The following NTM variants were observed in gnomAD, a reference collection of about 807,000 sequenced individuals.
The protein encoded by NTM is IgLON family member 2.
NTM carries 13 observed loss-of-function variants against 42.1 expected under a neutral mutation model. The ratio of observed to expected loss-of-function variants is 0.31; its 90% CI spans 0.20 to 0.49. The LOEUF (loss-of-function observed/expected upper bound fraction) is 0.49. NTM is among the 20% of genes least tolerant of loss of function. The pLI is 0.99. For missense variants in NTM, 373 were observed against 452.8 expected (o/e 0.82, Z 1.60); for synonymous variants, 187 against 179.2 (o/e 1.04, Z -0.35).
At chr11:131,447,454 C>T (rs1461221366) in intron 1 of NTM, among the ~76,000 whole-genome samples, 1 of 152,124 alleles carries the variant, frequency 6.6e-6, no homozygotes, top group Non-Finnish European at 1.5e-5. Flanking sequence ...TAGAGCGCTC[C>T]CTGTGGCCGT....
chr11:131,960,911 A>G (rs943310560), intron 2 of NTM, among the ~76,000 whole-genome samples: 1 of 152,158 alleles, frequency 6.6e-6, no homozygotes, highest in Admixed American at 6.5e-5. Flanking sequence ...GCTTTTTGAA[A>G]TTCACAGAGA....
rs1002410900 is a variant in NTM, at chr11:131,461,104, C to A, written c.82+90216C>A. Among the ~76,000 whole-genome samples the A allele has an allele frequency of 2.0e-5, 3 of 152,310 alleles. No individual in the cohort carries two copies. The East Asian group carries it at 5.8e-4, about 29-fold the overall frequency. On this transcript the variant is annotated intron_variant, in intron 1 of 8. Transcript: ENST00000683400. ...AGGGAAATTGTGAAGATGAGGGTAT[C>A]GGTTGCAAAAGCTACCTTGCTCTAC...
At chr11:131,666,990 G>T (rs1380493025) in intron 1 of NTM, among the ~76,000 whole-genome samples, 1 of 152,140 alleles carries the variant, frequency 6.6e-6, no homozygotes, top group Non-Finnish European at 1.5e-5. Context: ...AACTGACTTG[G>T]AGGCCTAGGG....
Position 131,712,516 on chromosome 11 carries a change from A to C in NTM, c.83-199048A>C, listed in dbSNP as rs535690078. On this transcript the variant is annotated intron_variant, in intron 1 of 8. Transcript: ENST00000683400. ...TGAGCAGTTACCCATAACTAGTGGG[A>C]TAATAGATGGCTTAGGTTTTCTTCC... is the stretch of plus-strand genomic sequence containing the variant. Among the ~76,000 whole-genome samples the C allele has an allele frequency of 2.6e-5, 4 of 152,340 alleles. No homozygotes were observed. In the East Asian group the frequency reaches 7.7e-4, roughly 29 times the overall value.
At chr11:132,024,907 G>A (rs2074951564) in intron 2 of NTM, among the ~76,000 whole-genome samples, 1 of 152,212 alleles carries the variant, frequency 6.6e-6, no homozygotes. Flanking sequence ...GGATGGACTA[G>A]ACTATGCTGT....
At chr11:132,089,823 G>T (rs981549494) in intron 2 of NTM, among the ~76,000 whole-genome samples, 3 of 152,042 alleles carry the variant, frequency 2.0e-5, no homozygotes, top group Non-Finnish European at 4.4e-5. Context: ...TTTTCAAAAT[G>T]TCTTATTGTT....
intron 1 of NTM, among the ~76,000 whole-genome samples, chr11:131,546,107 T>C (rs2053907449): frequency 6.6e-6 from 1 of 152,206 alleles, no homozygotes; most frequent in Non-Finnish European, 1.5e-5. Context: ...TCATGCACCA[T>C]GTTCCAGTGT....
At chr11:131,685,119 A>C (rs1164470221) in intron 1 of NTM, among the ~76,000 whole-genome samples, 1 of 152,202 alleles carries the variant, frequency 6.6e-6, no homozygotes, top group East Asian at 1.9e-4. Flanking sequence ...GTCATGTGTA[A>C]TTGTTACAAA....
At chr11:132,085,579 A>G (rs1290989103) in intron 2 of NTM, among the ~76,000 whole-genome samples, 1 of 152,228 alleles carries the variant, frequency 6.6e-6, no homozygotes, top group Non-Finnish European at 1.5e-5. Context: ...TTATTTCTCA[A>G]AGATTAAAGT....
chr11:131,809,841 G>T (rs2092666549), intron 1 of NTM, among the ~76,000 whole-genome samples: 1 of 152,132 alleles, frequency 6.6e-6, no homozygotes, highest in Non-Finnish European at 1.5e-5. Flanking sequence ...TGAGCTATTG[G>T]GCTCTGCCAG....
intron 2 of NTM, among the ~76,000 whole-genome samples, chr11:132,081,438 A>T (rs1182084691): frequency 6.6e-6 from 1 of 152,174 alleles, no homozygotes; most frequent in Non-Finnish European, 1.5e-5. Flanking sequence ...CATCTTCAAA[A>T]GCCAGAGTGG....
At chr11:131,453,976 C>T (rs1248655546) in intron 1 of NTM, among the ~76,000 whole-genome samples, 1 of 152,228 alleles carries the variant, frequency 6.6e-6, no homozygotes, top group Non-Finnish European at 1.5e-5. Context: ...TCATTTCCAT[C>T]TGGGACCTTC....
At chr11:132,004,757 A>G (rs1043202894) in intron 2 of NTM, among the ~76,000 whole-genome samples, 1 of 152,068 alleles carries the variant, frequency 6.6e-6, no homozygotes, top group African/African-American at 2.4e-5. Flanking sequence ...TCTGATGTTC[A>G]TGGTACCTAG....
intron 1 of NTM, among the ~76,000 whole-genome samples, chr11:131,761,547 T>C (rs2084178000): frequency 6.6e-6 from 1 of 152,066 alleles, no homozygotes; most frequent in Admixed American, 6.5e-5. Flanking sequence ...CTCACGCCTG[T>C]TATCCCTGCA....
At chr11:132,119,508 T>A (rs1323769362) in intron 2 of NTM, among the ~76,000 whole-genome samples, 1 of 152,170 alleles carries the variant, frequency 6.6e-6, no homozygotes, top group African/African-American at 2.4e-5. Context: ...GCAGTGATGA[T>A]ATGGTCTGTG....
At chr11:132,016,933 A>G (rs183089174) in intron 2 of NTM, among the ~76,000 whole-genome samples, 24 of 152,008 alleles carry the variant, frequency 1.6e-4, no homozygotes, top group African/African-American at 5.5e-4. Context: ...ATTACTACTC[A>G]TGTATCTTCT....
At chr11:132,210,956 G>A (rs558668865) in intron 3 of NTM, among the ~76,000 whole-genome samples, 6 of 151,734 alleles carry the variant, frequency 4.0e-5, no homozygotes, top group South Asian at 4.2e-4. Context: ...AGAAGGTGGG[G>A]GAGAGAGAGA....
intron 2 of NTM, among the ~76,000 whole-genome samples, chr11:132,125,173 G>A (rs541241165): frequency 6.6e-5 from 10 of 152,316 alleles, no homozygotes; most frequent in Admixed American, 2.0e-4. Context: ...AAGATGAGGC[G>A]ACTGAGTGAG....
At chr11:131,827,561 G>C (rs961751916) in intron 1 of NTM, among the ~76,000 whole-genome samples, 3 of 152,124 alleles carry the variant, frequency 2.0e-5, no homozygotes, top group African/African-American at 4.8e-5. Flanking sequence ...GTCCTTTGTG[G>C]ACACATTTTC....
Sources: allele counts gnomAD v4.1 joint callset (sites outside exome capture counted in the v4.1 genomes callset), GRCh38; gene constraint gnomAD v4.1.1; transcripts MANE v1.5; gene names NCBI Gene and HGNC (gene_info 2026-07-23, HGNC 2026-07-21).